Variants in TPM4 observed in about 807,000 individuals in gnomAD.
TPM4 encodes the protein tropomyosin 4.
Under a neutral mutation model 35.8 loss-of-function variants are expected in TPM4, and 17 were observed. The observed-to-expected ratio is 0.47, with a 90% CI of 0.32 to 0.71. The LOEUF (loss-of-function observed/expected upper bound fraction) is 0.71. Among genes scored for constraint, TPM4 ranks in the 30% least tolerant of loss-of-function variants. The probability of loss-of-function intolerance (pLI) is 0.03; values close to 1 mark genes in which losing one functional copy is unlikely to be tolerated. For missense variants in TPM4, 240 were observed against 320.9 expected (o/e 0.75, Z 1.93); for synonymous variants, 120 against 122.9 (o/e 0.98, Z 0.15).
intron 2 of TPM4, among the ~76,000 whole-genome samples, chr19:16,086,141 T>C (rs2090548774): frequency 6.7e-6 from 1 of 149,374 alleles, no homozygotes; most frequent in Admixed American, 6.7e-5. Flanking sequence ...GTTACAGTGC[T>C]CAGTAGATTC....
chr19:16,092,467 A>G (rs2090640045), intron 5 of TPM4, among the ~76,000 whole-genome samples: 1 of 151,718 alleles, frequency 6.6e-6, no homozygotes, highest in Non-Finnish European at 1.5e-5. Flanking sequence ...GACTCTCCCC[A>G]ACATCCTCCA....
At chr19:16,091,128 C>T (rs2144950138) in intron 5 of TPM4, among the ~76,000 whole-genome samples, 1 of 152,304 alleles carries the variant, frequency 6.6e-6, no homozygotes, top group South Asian at 2.1e-4. Flanking sequence ...TCTCAGCTCA[C>T]TGCAACCTCC....
intron 4 of TPM4, chr19:16,088,379 C>A: frequency 7.9e-7 from 1 of 1,273,162 alleles, no homozygotes; most frequent in Non-Finnish European, 1.0e-6. Flanking sequence ...TCCCATTTTC[C>A]CAGAGAGGAT....
intron 5 of TPM4, among the ~76,000 whole-genome samples, chr19:16,090,435 G>A (rs966562353): frequency 6.6e-6 from 1 of 150,572 alleles, no homozygotes; most frequent in South Asian, 2.1e-4. Context: ...CTAGTTTTTG[G>A]TAGAGACAAG....
chr19:16,086,425 G>T lies in TPM4; in HGVS notation c.269G>T (p.Gly90Val), dbSNP rs1179957222. 1 of 1,612,628 alleles carries T rather than the reference G, an allele frequency of 6.2e-7. No individual in the cohort carries two copies. ...CCTGATGAGATTGCTCCTTGCAGAG[G>T]AATGAAGGTGATAGAAAACCGGGCC... Reference protein sequence around the residue: ...AEKAADESERGMKVIENRAMK... With the variant: ...AEKAADESERVMKVIENRAMK... Residue 90 changes from glycine to valine, a missense_variant and splice_region_variant, in exon 3 of 8, where the codon GGA (glycine) becomes GTA (valine). Transcript: ENST00000643579.
intron 2 of TPM4, among the ~76,000 whole-genome samples, chr19:16,085,330 C>T (rs369113190): frequency 7.1e-4 from 108 of 152,146 alleles, no homozygotes; most frequent in African/African-American, 2.5e-3. Context: ...CACGACTCAC[C>T]GCAGCCTTGA....
chr19:16,088,717 A>C (rs192021850), intron 4 of TPM4: 2 of 1,096,282 alleles, frequency 1.8e-6, no homozygotes, highest in Admixed American at 4.7e-5. Flanking sequence ...CCTCAGTCCC[A>C]TTCTTACACC....
chr19:16,073,960 A>AAAAAAAC (rs1568298129), upstream of TPM4, among the ~76,000 whole-genome samples: 1 of 105,920 alleles, frequency 9.4e-6, no homozygotes, highest in African/African-American at 3.6e-5. Flanking sequence ...AAAAAAAAAA[A>AAAAAAAC]CGCAAAAAAA....
rs969479071 is a variant in TPM4 at position 16,068,182 on chromosome 19, G to C, written c.114+444G>C. ...TGTGCATGTGTGCGTGTGTGTGTGT[G>C]TGTGTGTGTGTTTGAGACAGAGTCT... is the stretch of plus-strand genomic sequence containing the variant. On this transcript the variant is annotated intron_variant, in intron 2 of 2. Transcript: ENST00000589897. Among the ~76,000 whole-genome samples, 19 of 151,828 alleles carry C rather than the reference G, an allele frequency of 1.3e-4. No homozygotes were observed. In the East Asian group the frequency reaches 3.3e-3, roughly 26 times the overall value.
chr19:16,087,308 G>A (rs1245881817), intron 3 of TPM4, among the ~76,000 whole-genome samples: 1 of 152,122 alleles, frequency 6.6e-6, no homozygotes, highest in Non-Finnish European at 1.5e-5. Context: ...TGGGCATGGT[G>A]GCTCACGCCG....
At chr19:16,076,874 C>A in intron 1 of TPM4, 177 bp downstream of exon 1, 1 of 1,219,446 alleles carries the variant, frequency 8.2e-7, no homozygotes, top group Non-Finnish European at 1.0e-6. Context: ...CCTACTTCCT[C>A]CGCCGTCCTC....
At chr19:16,087,668 G>C (rs1463612060) in intron 3 of TPM4, among the ~76,000 whole-genome samples, 1 of 152,154 alleles carries the variant, frequency 6.6e-6, no homozygotes, top group Admixed American at 6.5e-5. Flanking sequence ...GGATCAGGAG[G>C]TCAGGAATTC....
At chr19:16,076,476 G>C (rs1047370676), upstream of TPM4, 2 of 1,333,020 alleles carry the variant, frequency 1.5e-6, no homozygotes, top group South Asian at 3.8e-5. Flanking sequence ...GCAAAGGCTT[G>C]GGGGGCCGGG....
At chr19:16,084,933 CTTCTT>C (rs369933362) in intron 2 of TPM4, among the ~76,000 whole-genome samples, 14 of 152,028 alleles carry the variant, frequency 9.2e-5, no homozygotes, top group South Asian at 8.3e-4. Context: ...AGGCTGGCCT[CTTCTT>C]TTCTTTTCTT....
At chr19:16,075,093 A>G (rs1599360978), upstream of TPM4, 1 of 152,284 alleles carries the variant, frequency 6.6e-6, no homozygotes, top group African/African-American at 2.4e-5. Flanking sequence ...CTCTCAAAAA[A>G]AAAAGTCAGA....
intron 2 of TPM4, among the ~76,000 whole-genome samples, chr19:16,069,450 TCTATTGGTGTGTGAATGTG>T (rs1238109958): frequency 9.2e-5 from 9 of 97,868 alleles, no homozygotes; most frequent in South Asian, 3.4e-4. Flanking sequence ...AGTGTGTGTT[TCTATTGGTGTGTGAATGTG>T]TATGGATGAG....
intron 2 of TPM4, among the ~76,000 whole-genome samples, chr19:16,068,788 C>A (rs551072260): frequency 1.3e-5 from 2 of 151,774 alleles, no homozygotes; most frequent in Admixed American, 6.6e-5. Flanking sequence ...TGTGTTTGAG[C>A]CTTTCTGTGT....
At chr19:16,098,772 C>T (rs1568313108) in intron 7 of TPM4, among the ~76,000 whole-genome samples, 1 of 151,948 alleles carries the variant, frequency 6.6e-6, no homozygotes, top group Non-Finnish European at 1.5e-5. Context: ...AAGACCCCAT[C>T]TCTAAAATTA....
upstream of TPM4, chr19:16,074,264 C>CTGACAA (rs1439155897): frequency 6.6e-6 from 1 of 152,182 alleles, no homozygotes; most frequent in Middle Eastern, 3.2e-3. Context: ...TCAGCTCAGG[C>CTGACAA]AGTTATAACA....
Sources: gnomAD v4.1 joint callset for allele counts (sites outside exome capture counted in the v4.1 genomes callset) on GRCh38, gnomAD v4.1.1 for gene constraint, MANE v1.5 for transcripts, NCBI Gene and HGNC (gene_info 2026-07-23, HGNC 2026-07-21) for gene names.